PCSK2: variants seen among roughly 807,000 people sequenced by gnomAD.
PCSK2 encodes the protein proprotein convertase subtilisin/kexin type 2, also known as neuroendocrine convertase 2.
A neutral mutation model predicts 69.7 loss-of-function variants in PCSK2; 14 were observed. The ratio of observed to expected loss-of-function variants is 0.20; its 90% CI spans 0.13 to 0.31. The LOEUF is 0.31. Ranked by LOEUF, PCSK2 falls within the 10% of genes least tolerant of loss-of-function variation. The pLI is 1.00. For synonymous variants in PCSK2, 307 were observed against 320.7 expected, an observed-to-expected ratio of 0.96 and a Z score of 0.46; for missense variants, 544 against 842.5, an observed-to-expected ratio of 0.65 and a Z score of 4.39.
At chr20:17,475,230 T>G (rs1223166751) in intron 11 of PCSK2, among the ~76,000 whole-genome samples, 1 of 151,736 alleles carries the variant, frequency 6.6e-6, no homozygotes. Context: ...TATTCTTATT[T>G]CAGCCAGGTT....
chr20:17,278,757 G>T (rs1427150223), intron 2 of PCSK2, among the ~76,000 whole-genome samples: 1 of 151,952 alleles, frequency 6.6e-6, no homozygotes, highest in Admixed American at 6.6e-5. Flanking sequence ...TAATGGCCCT[G>T]TAACCCCAAC....
intron 2 of PCSK2, among the ~76,000 whole-genome samples, chr20:17,347,064 A>C (rs4814605): frequency 0.37 from 56,924 of 152,108 alleles, 11,091 homozygotes; most frequent in East Asian, 0.55. Context: ...GCATGCAGCC[A>C]TATCCTCCCT....
intron 5 of PCSK2, among the ~76,000 whole-genome samples, chr20:17,405,909 T>C (rs1053112864): frequency 7.9e-5 from 12 of 152,196 alleles, no homozygotes; most frequent in Non-Finnish European, 1.8e-4. Context: ...TTCGGTGTGA[T>C]GGTACAATGA....
chr20:17,426,695 G>T (rs1173882016), intron 6 of PCSK2, among the ~76,000 whole-genome samples: 1 of 152,216 alleles, frequency 6.6e-6, no homozygotes, highest in Admixed American at 6.5e-5. Context: ...GAACCAGGAA[G>T]ATCCAACGTT....
At position 17,412,551 on chromosome 20, in the gene PCSK2, T is replaced by C. The variant is rs187738185; in HGVS notation, c.620+3212T>C. On this transcript the variant is annotated intron_variant, in intron 6 of 11. Transcript: ENST00000262545. The stretch of plus-strand genomic sequence containing the variant: ...CTATGTGAAAAGATCAAATCTACGT[T>C]TGATTAGTGTACTTGAAACTGACAG... 4.3e-3 allele frequency among the ~76,000 whole-genome samples: 656 copies of C among 152,164 alleles called. 1 individual carries two copies. Among genetic ancestry groups the C allele is most frequent in the Middle Eastern group, 6.8e-3 (2 of 294 alleles).
rs1347276088 is a variant in PCSK2 at position 17,299,809 on chromosome 20, A to G, written c.282+39465A>G. On this transcript the variant is annotated intron_variant, in intron 2 of 11. Transcript: ENST00000262545. ...TGTTCTTTATGTGATCCTTACTGAT[A>G]TCAAATCATTTCATTTTGGGGACTC... Among the ~76,000 whole-genome samples the G allele has an allele frequency of 2.0e-5, 3 of 152,172 alleles. No individual in the cohort carries two copies. In the East Asian group the frequency reaches 5.8e-4, roughly 29 times the overall value.
At chr20:17,468,733 G>A (rs1568663161) in intron 11 of PCSK2, among the ~76,000 whole-genome samples, 1 of 151,528 alleles carries the variant, frequency 6.6e-6, no homozygotes, top group Non-Finnish European at 1.5e-5. Flanking sequence ...GTGTCCTGCT[G>A]TAGACAGGCA....
chr20:17,290,503 C>G (rs1459568472), intron 2 of PCSK2, among the ~76,000 whole-genome samples: 3 of 152,114 alleles, frequency 2.0e-5, no homozygotes, highest in South Asian at 2.1e-4. Context: ...CTTACCACCA[C>G]CCTAGGAGGT....
chr20:17,462,187 C>T (rs981941759), intron 10 of PCSK2, among the ~76,000 whole-genome samples: 2 of 151,848 alleles, frequency 1.3e-5, no homozygotes, highest in Admixed American at 6.6e-5. Context: ...AGTTAGGAAG[C>T]TCTCCCCTGA....
At chr20:17,276,375 G>A (rs1988075258) in intron 2 of PCSK2, among the ~76,000 whole-genome samples, 2 of 151,628 alleles carry the variant, frequency 1.3e-5, no homozygotes, top group African/African-American at 2.4e-5. Flanking sequence ...TGAAATGTGT[G>A]GATTTGCTTC....
At chr20:17,451,729 T>G (rs2032825878) in intron 8 of PCSK2, among the ~76,000 whole-genome samples, 1 of 151,992 alleles carries the variant, frequency 6.6e-6, no homozygotes, top group Non-Finnish European at 1.5e-5. Flanking sequence ...CATGAATAAT[T>G]AGGGTCACAA....
chr20:17,371,438 C>T (rs987935927), intron 5 of PCSK2, among the ~76,000 whole-genome samples: 3 of 152,204 alleles, frequency 2.0e-5, no homozygotes, highest in Admixed American at 2.0e-4. Context: ...GTGCCAGCTC[C>T]TCTGAGATCT....
intron 2 of PCSK2, among the ~76,000 whole-genome samples, chr20:17,281,351 A>G (rs1988304476): frequency 6.6e-6 from 1 of 152,198 alleles, no homozygotes; most frequent in South Asian, 2.1e-4. Context: ...GTCCAGAAGG[A>G]AAGCCAGTGA....
upstream of PCSK2, among the ~76,000 whole-genome samples, chr20:17,226,755 A>T (rs1264976924): frequency 7.0e-6 from 1 of 142,538 alleles, no homozygotes; most frequent in African/African-American, 2.6e-5. Flanking sequence ...CCAGGCTGAG[A>T]TGGGGGAGCT....
chr20:17,429,323 T>G (rs1211730131), intron 6 of PCSK2, 112 bp from the exon 7 acceptor site: 3 of 770,080 alleles, frequency 3.9e-6, no homozygotes, highest in Non-Finnish European at 6.9e-6. Context: ...AGGGTTTACT[T>G]GTATATGATA....
intron 2 of PCSK2, among the ~76,000 whole-genome samples, chr20:17,314,273 C>T (rs563322794): frequency 3.9e-5 from 6 of 152,180 alleles, no homozygotes; most frequent in East Asian, 1.9e-4. Context: ...TGTGTTTCAG[C>T]GGGCATCAAC....
At chr20:17,308,228 T>G (rs1426311805) in intron 2 of PCSK2, among the ~76,000 whole-genome samples, 3 of 152,080 alleles carry the variant, frequency 2.0e-5, no homozygotes. Context: ...GGAAACCCAC[T>G]CCCCTGACCC....
intron 4 of PCSK2, among the ~76,000 whole-genome samples, chr20:17,362,711 C>T (rs542192787): frequency 6.6e-6 from 1 of 152,326 alleles, no homozygotes; most frequent in South Asian, 2.1e-4. Context: ...GGTAACTCTG[C>T]CACTTATGTT....
intron 5 of PCSK2, among the ~76,000 whole-genome samples, chr20:17,376,793 TG>T (rs2030940988): frequency 6.6e-6 from 1 of 152,258 alleles, no homozygotes; most frequent in Non-Finnish European, 1.5e-5. Context: ...GTAAGTGTTT[TG>T]TGTCCCTCTT....
Sources: gnomAD v4.1 joint callset for allele counts (sites outside exome capture counted in the v4.1 genomes callset) on GRCh38, gnomAD v4.1.1 for gene constraint, MANE v1.5 for transcripts, NCBI Gene and HGNC (gene_info 2026-07-23, HGNC 2026-07-21) for gene names.